Variants in FAM135B observed in about 807,000 individuals in gnomAD.
FAM135B encodes family with sequence similarity 135 member B.
A neutral mutation model predicts 127.7 loss-of-function variants in FAM135B; 43 were observed. The ratio of observed to expected loss-of-function variants is 0.34; its 90% CI spans 0.26 to 0.43. The LOEUF (loss-of-function observed/expected upper bound fraction) is 0.43, where lower values mean the gene tolerates loss of function less well. Ranked by LOEUF, FAM135B falls within the 20% of genes least tolerant of loss-of-function variation. The probability of loss-of-function intolerance (pLI) is 1.00; values close to 1 mark genes in which losing one functional copy is unlikely to be tolerated. For synonymous variants in FAM135B, 670 were observed against 665.1 expected, an observed-to-expected ratio of 1.01 and a Z score of -0.11; for missense variants, 1,558 against 1,725.6, an observed-to-expected ratio of 0.90 and a Z score of 1.72.
chr8:138,421,924 A>G (rs1834532662), intron 1 of FAM135B, among the ~76,000 whole-genome samples: 5 of 152,216 alleles, frequency 3.3e-5, no homozygotes, highest in Admixed American at 3.3e-4. Context: ...TGGTATGTGT[A>G]CAAAAACAAA....
At chr8:138,215,221 T>C (rs1264486232) in intron 7 of FAM135B, among the ~76,000 whole-genome samples, 2 of 152,222 alleles carry the variant, frequency 1.3e-5, no homozygotes, top group Non-Finnish European at 2.9e-5. Context: ...GTTATCTCTC[T>C]ATGCCTAAGT....
At chr8:138,147,730 T>C (rs745919884) in intron 14 of FAM135B, among the ~76,000 whole-genome samples, 12 of 152,198 alleles carry the variant, frequency 7.9e-5, no homozygotes, top group Non-Finnish European at 1.6e-4. Context: ...ACAAAAGGGG[T>C]GAAGCAGCTC....
At chr8:138,432,299 G>T (rs1272775069) in intron 1 of FAM135B, among the ~76,000 whole-genome samples, 1 of 152,108 alleles carries the variant, frequency 6.6e-6, no homozygotes, top group African/African-American at 2.4e-5. Flanking sequence ...GAATGAACAG[G>T]CCTTAGGTTC....
chr8:138,311,448 A>AC (rs1826676295), intron 2 of FAM135B, among the ~76,000 whole-genome samples: 1 of 152,158 alleles, frequency 6.6e-6, no homozygotes, highest in South Asian at 2.1e-4. Context: ...TTCAAATTCC[A>AC]CCATTTCAGG....
intron 1 of FAM135B, among the ~76,000 whole-genome samples, chr8:138,375,124 C>T (rs1319706402): frequency 1.3e-5 from 2 of 151,322 alleles, no homozygotes; most frequent in Non-Finnish European, 2.9e-5. Context: ...CCTGTAATGC[C>T]AGCTCTGGCA....
At chr8:138,226,752 G>T (rs1819485379) in intron 7 of FAM135B, among the ~76,000 whole-genome samples, 1 of 152,068 alleles carries the variant, frequency 6.6e-6, no homozygotes, top group Non-Finnish European at 1.5e-5. Context: ...ATTAGAGGTG[G>T]GGTTTCACCA....
intron 2 of FAM135B, among the ~76,000 whole-genome samples, chr8:138,313,072 A>T (rs970079834): frequency 2.2e-4 from 34 of 152,226 alleles, no homozygotes; most frequent in Non-Finnish European, 4.6e-4. Flanking sequence ...CTCAAACTAG[A>T]TTGTGGACTT....
At chr8:138,236,744 C>T (rs569511504) in intron 7 of FAM135B, among the ~76,000 whole-genome samples, 78 of 152,280 alleles carry the variant, frequency 5.1e-4, no homozygotes, top group African/African-American at 1.8e-3. Context: ...AAATGTGATT[C>T]GAAATGATCA....
chr8:138,238,534 G>T (rs563093269), intron 7 of FAM135B, among the ~76,000 whole-genome samples: 1 of 152,250 alleles, frequency 6.6e-6, no homozygotes, highest in South Asian at 2.1e-4. Context: ...ATGAGAAAAA[G>T]ACATGGCCTG....
intron 1 of FAM135B, among the ~76,000 whole-genome samples, chr8:138,381,610 G>A (rs1337033479): frequency 6.6e-6 from 1 of 152,172 alleles, no homozygotes; most frequent in African/African-American, 2.4e-5. Context: ...AACAGGAGAA[G>A]GAATGAAAGA....
intron 11 of FAM135B, among the ~76,000 whole-genome samples, chr8:138,173,832 A>G (rs1282401106): frequency 6.6e-6 from 1 of 152,238 alleles, no homozygotes; most frequent in African/African-American, 2.4e-5. Flanking sequence ...CCACTTCCAC[A>G]TTCATTCCTC....
chr8:138,264,386 A>T (rs553831474), intron 4 of FAM135B, among the ~76,000 whole-genome samples: 1 of 152,260 alleles, frequency 6.6e-6, no homozygotes, highest in East Asian at 1.9e-4. Context: ...GCACAGCAGG[A>T]CCATCATGAG....
Position 138,243,339 on chromosome 8 carries a change from T to C in FAM135B, c.543-271A>G, listed in dbSNP as rs1448024409. Among the ~76,000 whole-genome samples, 1 of 152,142 alleles carries C rather than the reference T, an allele frequency of 6.6e-6. No individual in the cohort carries two copies. Among genetic ancestry groups the C allele is most frequent in the East Asian group, 1.9e-4 (1 of 5,192 alleles). On this transcript the variant is annotated intron_variant, in intron 6 of 19. Transcript: ENST00000395297. This position sits in a 1 kb window ranked among gnomAD's most constrained non-coding sequence, Gnocchi z 7.5. The stretch of plus-strand genomic sequence containing the variant: ...ACCCTAAATGCCAACAACATACCTG[T>C]AAGAAACACTGAAGCAGAGCTCCAA...
Position 138,338,186 on chromosome 8 carries a change from G to A in FAM135B, c.78-27266C>T, listed in dbSNP as rs544963687. Among the ~76,000 whole-genome samples the A allele has an allele frequency of 8.7e-3, 1,318 of 152,060 alleles. 22 individuals carry two copies. The highest frequency in any genetic ancestry group is 0.031 in the African/African-American group (1,266 of 41,460). On this transcript the variant is annotated intron_variant, in intron 2 of 19. Coordinates refer to ENST00000395297, the MANE Select transcript of FAM135B (RefSeq NM_015912.4). ...AGAAAACCTAGGCAATACCATTCAGGACATAGGCATAGGCAAGGACTTCAT... is the reference window on the plus strand; with the variant it reads ...AGAAAACCTAGGCAATACCATTCAGAACATAGGCATAGGCAAGGACTTCAT...
At chr8:138,288,764 T>C (rs539577550) in intron 3 of FAM135B, among the ~76,000 whole-genome samples, 73 of 152,312 alleles carry the variant, frequency 4.8e-4, no homozygotes, top group Non-Finnish European at 9.3e-4. Flanking sequence ...GAAGATAATT[T>C]TCTTTTAAGG....
At chr8:138,407,896 A>G (rs1218315457) in intron 1 of FAM135B, among the ~76,000 whole-genome samples, 1 of 152,210 alleles carries the variant, frequency 6.6e-6, no homozygotes, top group Non-Finnish European at 1.5e-5. Context: ...ACAAAAGCCA[A>G]AATTGACAAA....
intron 1 of FAM135B, among the ~76,000 whole-genome samples, chr8:138,428,243 G>A (rs114788939): frequency 3.3e-3 from 509 of 152,196 alleles, no homozygotes; most frequent in African/African-American, 0.011. Flanking sequence ...GAAGTCTCCC[G>A]TTGACTAAGT....
intron 1 of FAM135B, among the ~76,000 whole-genome samples, chr8:138,373,721 G>T (rs1831290990): frequency 6.6e-6 from 1 of 152,032 alleles, no homozygotes; most frequent in East Asian, 1.9e-4. Flanking sequence ...TGCCCCTGAG[G>T]GTGAGTCTCT....
At chr8:138,271,370 A>G (rs1241299398) in intron 3 of FAM135B, among the ~76,000 whole-genome samples, 1 of 152,200 alleles carries the variant, frequency 6.6e-6, no homozygotes, top group Non-Finnish European at 1.5e-5. Context: ...ATGCACATGG[A>G]CATAAGTTTA....
Sources: gnomAD v4.1 joint callset for allele counts (sites outside exome capture counted in the v4.1 genomes callset) on GRCh38, gnomAD v4.1.1 for gene constraint, Gnocchi (gnomAD v3.1) non-coding constraint, MANE v1.5 for transcripts, NCBI Gene and HGNC (gene_info 2026-07-23, HGNC 2026-07-21) for gene names.